The following TXNRD2 variants were observed in gnomAD, a reference collection of about 807,000 sequenced individuals.
The protein encoded by TXNRD2 is thioredoxin reductase 2, mitochondrial.
In TXNRD2, 67 loss-of-function variants were observed where a neutral mutation model predicts 70.8. The observed-to-expected ratio is 0.95, with a 90% CI of 0.78 to 1.16. The LOEUF is 1.16. Ranked by LOEUF, TXNRD2 falls within the 50% of genes most tolerant of loss-of-function variation. The probability of loss-of-function intolerance (pLI) is 0.00; values close to 1 mark genes in which losing one functional copy is unlikely to be tolerated. For synonymous variants in TXNRD2, 301 were observed against 295.8 expected, an observed-to-expected ratio of 1.02 and a Z score of -0.18; for missense variants, 644 against 719.9, an observed-to-expected ratio of 0.89 and a Z score of 1.21.
At chr22:19,915,586 A>T (rs527731566) in intron 6 of TXNRD2, among the ~76,000 whole-genome samples, 179 bp downstream of exon 6, 1 of 152,244 alleles carries the variant, frequency 6.6e-6, no homozygotes, top group Non-Finnish European at 1.5e-5. Context: ...TCCGAGCAGC[A>T]GGGCAGCAAA....
chr22:19,904,797 C>T (rs1223092565), intron 8 of TXNRD2, among the ~76,000 whole-genome samples: 1 of 152,156 alleles, frequency 6.6e-6, no homozygotes, highest in Non-Finnish European at 1.5e-5. Context: ...ATGCCAGGCA[C>T]CGTGAGTTGC....
chr22:19,925,302 A>AC (rs547828217), intron 2 of TXNRD2, among the ~76,000 whole-genome samples: 2 of 151,868 alleles, frequency 1.3e-5, no homozygotes, highest in African/African-American at 4.8e-5. Context: ...AAACAAAACA[A>AC]AACAACAACA....
intron 8 of TXNRD2, among the ~76,000 whole-genome samples, chr22:19,904,123 C>T (rs964113963): frequency 1.5e-4 from 23 of 152,174 alleles, no homozygotes; most frequent in Admixed American, 1.2e-3. Context: ...CAGTCCCTTG[C>T]GCCAGGGCGT....
At chr22:19,939,540 G>A (rs772465479) in intron 1 of TXNRD2, among the ~76,000 whole-genome samples, 2 of 151,996 alleles carry the variant, frequency 1.3e-5, no homozygotes, top group African/African-American at 2.4e-5. Flanking sequence ...CCACTTATTC[G>A]ACCTCTCACC....
At chr22:19,909,973 ACACACACCATTCACACACACACAC>A (rs1940332407) in intron 8 of TXNRD2, among the ~76,000 whole-genome samples, 1 of 149,900 alleles carries the variant, frequency 6.7e-6, no homozygotes, top group Admixed American at 6.6e-5. Context: ...CACACACACC[ACACACACCATTCACACACACACAC>A]CACACACATC....
At chr22:19,912,930 G>A (rs980651959) in intron 7 of TXNRD2, among the ~76,000 whole-genome samples, 1 of 152,228 alleles carries the variant, frequency 6.6e-6, no homozygotes, top group African/African-American at 2.4e-5. Context: ...GACTGCCCCT[G>A]GGTCTAAGTC....
In TXNRD2 at chr22:19,895,534, C is replaced by A; in HGVS notation, c.822G>T (p.Arg274=). Residue 274 remains arginine, a synonymous_variant, in exon 11 of 18, where the codon CGG becomes CGT. Transcript: ENST00000400521. ...VIEHMASHGT[R]FLRGCAPSRV... Reference sequence around the variant, plus strand: ...GCGAGGGGGCACAGCCCCTCAGGAACCGGGTGCCATGAGATGCCATGTGCT... The same window carrying A: ...GCGAGGGGGCACAGCCCCTCAGGAAACGGGTGCCATGAGATGCCATGTGCT... The A allele has an allele frequency of 6.2e-7, 1 of 1,613,624 alleles. No homozygotes were observed. Among genetic ancestry groups the A allele is most frequent in the Non-Finnish European group, 8.5e-7 (1 of 1,180,042 alleles).
intron 11 of TXNRD2, among the ~76,000 whole-genome samples, chr22:19,889,065 G>C (rs1939153419): frequency 2.0e-5 from 3 of 151,996 alleles, no homozygotes; most frequent in Non-Finnish European, 4.4e-5. Context: ...TTGGCCACTT[G>C]CTGTGACTGC....
chr22:19,909,433 C>A (rs991370652), intron 8 of TXNRD2, among the ~76,000 whole-genome samples: 3 of 151,870 alleles, frequency 2.0e-5, no homozygotes, highest in African/African-American at 7.3e-5. Flanking sequence ...GAATCCAGTC[C>A]TGACCCCACA....
chr22:19,918,295 C>T, intron 4 of TXNRD2, 78 bp from the exon 5 acceptor site: 1 of 1,228,772 alleles, frequency 8.1e-7, no homozygotes, highest in Non-Finnish European at 1.2e-6. Flanking sequence ...CTATTAGATT[C>T]AAATGGTACA....
intron 6 of TXNRD2, 140 bp from the exon 7 acceptor site, chr22:19,915,416 G>A (rs1940592718): frequency 3.5e-6 from 3 of 863,988 alleles, no homozygotes; most frequent in Non-Finnish European, 5.7e-6. Context: ...GCAGTTCAGA[G>A]GCCCTATGGA....
intron 8 of TXNRD2, among the ~76,000 whole-genome samples, chr22:19,901,151 C>T (rs1231302441): frequency 4.6e-5 from 7 of 152,242 alleles, no homozygotes; most frequent in African/African-American, 9.6e-5. Context: ...CTGCCACCGA[C>T]GTGTACATCC....
rs373223971 is a variant in TXNRD2 at position 19,895,393 on chromosome 22, C to T, written c.949+14G>A. 18 of 1,613,748 alleles carry T rather than the reference C, an allele frequency of 1.1e-5. No individual in the cohort carries two copies. Among genetic ancestry groups the T allele is most frequent in the African/African-American group, 4.0e-5 (3 of 75,044 alleles). ...GAGACCAGAGACAGAGCGTGTGGCT[C>T]GACGTGCCCTTACCTATGGCCCACA... On this transcript the variant is annotated intron_variant, in intron 11 of 17. Transcript: ENST00000400521.
At chr22:19,915,703 G>T in intron 6 of TXNRD2, 62 bp downstream of exon 6, 1 of 1,493,774 alleles carries the variant, frequency 6.7e-7, no homozygotes, top group Non-Finnish European at 9.3e-7. Flanking sequence ...CACAGCTGCA[G>T]TTGGTGCCCA....
In TXNRD2 at chr22:19,930,913, G is replaced by A. The variant is rs143671260; in HGVS notation, c.172+117C>T. ...CAAGCCACAACACAGAGGCCACTGG[G>A]GTGACCCCAGCAGGGAGGCAACGCA... On this transcript the variant is annotated intron_variant, in intron 2 of 17. Coordinates refer to ENST00000400521, the MANE Select transcript of TXNRD2 (RefSeq NM_006440.5). 854 of 898,610 alleles carry A rather than the reference G, an allele frequency of 9.5e-4. 3 individuals are homozygous for A. The highest frequency in any genetic ancestry group is 1.6e-3 in the South Asian group (120 of 75,900). 55.7% of individuals were successfully genotyped at this position (898,610 alleles called of 1,614,324 possible).
intron 8 of TXNRD2, among the ~76,000 whole-genome samples, chr22:19,909,871 C>CCCTCACACACACAACCACACACACCCT (rs1569093857): frequency 1.8e-5 from 1 of 55,652 alleles, no homozygotes; most frequent in East Asian, 5.0e-4. Context: ...ACACACACAC[C>CCCTCACACACACAACCACACACACCCT]ACTCACACAC....
chr22:19,927,896 T>G (rs546934585), intron 2 of TXNRD2, among the ~76,000 whole-genome samples: 1 of 152,034 alleles, frequency 6.6e-6, no homozygotes, highest in East Asian at 1.9e-4. Flanking sequence ...TAATGTGAGG[T>G]ATATCTCAAT....
At chr22:19,883,237 C>A (rs1390672604) in intron 12 of TXNRD2, 88 bp downstream of exon 12, 2 of 1,535,402 alleles carry the variant, frequency 1.3e-6, no homozygotes, top group Non-Finnish European at 1.8e-6. Flanking sequence ...CGTTTCTCTC[C>A]TACAGGACGG....
intron 12 of TXNRD2, among the ~76,000 whole-genome samples, chr22:19,882,665 A>C (rs1173052057): frequency 6.6e-6 from 1 of 152,238 alleles, no homozygotes; most frequent in Non-Finnish European, 1.5e-5. Context: ...AGCCACTTTC[A>C]GCAGCAGGTG....
Sources: allele counts gnomAD v4.1 joint callset (sites outside exome capture counted in the v4.1 genomes callset), GRCh38; gene constraint gnomAD v4.1.1; transcripts MANE v1.5; gene names NCBI Gene and HGNC (gene_info 2026-07-23, HGNC 2026-07-21).